ADH6: variants seen among roughly 807,000 people sequenced by gnomAD.
ADH6 encodes the protein alcohol dehydrogenase 6.
ADH6 carries 34 observed loss-of-function variants against 36.5 expected under a neutral mutation model. That is an observed-to-expected ratio of 0.93 (90% CI 0.71 to 1.24). The LOEUF is 1.24. Ranked by LOEUF, ADH6 falls within the 50% of genes most tolerant of loss-of-function variation. The pLI is 0.00. For synonymous variants in ADH6, 161 were observed against 155.5 expected (o/e 1.04, Z -0.26); for missense variants, 440 against 447.0 (o/e 0.98, Z 0.14).
chr4:99,207,442 A>G lies in ADH6; in HGVS notation c.964+4T>C. 1 of 1,613,072 alleles carries G rather than the reference A, an allele frequency of 6.2e-7. No individual in the cohort carries two copies. ...ATTTCCACCTTTCCCTGCTTCATCC[A>G]TACCTCCAAAAACAGAACCCTTCAA... On this transcript the variant is annotated splice_donor_region_variant and intron_variant, in intron 7 of 8. Transcript: ENST00000394899.
chr4:99,204,894 C>A, intron 8 of ADH6, 31 bp downstream of exon 8: 2 of 1,587,870 alleles, frequency 1.3e-6, no homozygotes, highest in Non-Finnish European at 8.6e-7. Flanking sequence ...GTCTCAAACA[C>A]ACAGACATAA....
rs769266677 is a variant in ADH6 at position 99,210,237 on chromosome 4, T to C, written c.412A>G (p.Ile138Val). The C allele has an allele frequency of 1.9e-6, 3 of 1,613,808 alleles. No individual in the cohort carries two copies. Among genetic ancestry groups the C allele is most frequent in the South Asian group, 1.1e-5 (1 of 91,082 alleles). Residue 138 changes from isoleucine (I) to valine (V), a missense_variant, in exon 5 of 9, where the codon ATA becomes GTA. Physicochemically the swap from Ile to Val is conservative, Grantham distance 29. Coordinates refer to ENST00000394899, the MANE Select transcript of ADH6 (RefSeq NM_001102470.2). ...GTGCTGGTATTACCAAAGTGATATA[T>C]TGATTTTCCCTTGCAGGTAAACCTG... ...TSRFTCKGKS[I>V]YHFGNTSTFC...
At chr4:99,214,975 G>T (rs983088308) in intron 2 of ADH6, among the ~76,000 whole-genome samples, 36 of 152,248 alleles carry the variant, frequency 2.4e-4, no homozygotes, top group Non-Finnish European at 1.0e-4. Flanking sequence ...TGCTGATCGT[G>T]GTTAAAAACA....
chr4:99,205,190 T>C (rs778206658), intron 7 of ADH6, 127 bp from the exon 8 acceptor site: 50 of 1,019,216 alleles, frequency 4.9e-5, no homozygotes, highest in African/African-American at 6.6e-5. Context: ...TTTACTTGCC[T>C]CAATCATCAG....
intron 5 of ADH6, among the ~76,000 whole-genome samples, chr4:99,209,726 C>A (rs1454705494): frequency 6.6e-6 from 1 of 152,016 alleles, no homozygotes; most frequent in East Asian, 1.9e-4. Flanking sequence ...ATTCTAGCAC[C>A]TGGGACAGTG....
At position 99,215,989 on chromosome 4, in the gene ADH6, C is replaced by G. The variant is rs79577755; in HGVS notation, c.120+172G>C. 5.1e-3 allele frequency: 2,157 copies of G among 419,844 alleles called. 33 individuals carry two copies. Among genetic ancestry groups the G allele is most frequent in the African/African-American group, 0.038 (1,865 of 48,670 alleles). The allele number at this position is 419,844 out of a possible 1,614,324, so 26.0% of individuals were successfully genotyped here. ...ATGCTTTACCTCCCTAACCTTTTAT[C>G]TGGCTGGATTTAAAAATTGATGGAA... is the stretch of plus-strand genomic sequence containing the variant. On this transcript the variant is annotated intron_variant, in intron 2 of 8. Coordinates refer to ENST00000394899, the MANE Select transcript of ADH6 (RefSeq NM_001102470.2).
At position 99,216,239 on chromosome 4, in the gene ADH6, T is replaced by C. The variant is rs1429226888; in HGVS notation, c.42A>G (p.Ile14Met). The C allele has an allele frequency of 6.3e-7, 1 of 1,578,376 alleles. No homozygotes were observed. The highest frequency in any genetic ancestry group is 1.2e-5 in the South Asian group (1 of 83,940). Residue 14 changes from isoleucine to methionine, a missense_variant, in exon 2 of 9, where the codon ATA becomes ATG. By Grantham distance (10) the Ile-to-Met change is conservative. Transcript: ENST00000394899. ...AAAATGGTGCACCAGGCTTCCAGAG[T>C]ATGGCTGCTTTGCATCTGATGACCT... The part of the protein sequence containing the change: ...TGQVIRCKAA[I>M]LWKPGAPFSI...
chr4:99,209,039 G>A, intron 5 of ADH6, 111 bp from the exon 6 acceptor site: 3 of 1,178,750 alleles, frequency 2.5e-6, no homozygotes, highest in Non-Finnish European at 3.5e-6. Context: ...CGAGTCATAA[G>A]CAAATGATGT....
chr4:99,210,374 T>C, intron 4 of ADH6, 41 bp downstream of exon 4: 1 of 1,593,684 alleles, frequency 6.3e-7, no homozygotes, highest in Non-Finnish European at 8.6e-7. Context: ...CCAATGAAAG[T>C]GAATTAAGTT....
At chr4:99,213,495 A>T in intron 3 of ADH6, 111 bp downstream of exon 3, 2 of 1,055,920 alleles carry the variant, frequency 1.9e-6, no homozygotes, top group Non-Finnish European at 2.6e-6. Context: ...GAAGTTGGAA[A>T]CATTTCACCT....
At chr4:99,204,806 T>C in intron 8 of ADH6, 119 bp downstream of exon 8, 1 of 1,364,542 alleles carries the variant, frequency 7.3e-7, no homozygotes, top group Non-Finnish European at 9.5e-7. Context: ...CCTGAAAGCC[T>C]CTTCAATTAT....
intron 8 of ADH6, chr4:99,204,518 T>C: frequency 7.8e-7 from 1 of 1,275,358 alleles, no homozygotes; most frequent in Non-Finnish European, 9.9e-7. Flanking sequence ...GGATTCAGAA[T>C]TAGGAATCCT....
chr4:99,210,732 GC>G (rs1210484310), intron 3 of ADH6, among the ~76,000 whole-genome samples: 1 of 152,114 alleles, frequency 6.6e-6, no homozygotes, highest in Non-Finnish European at 1.5e-5. Context: ...TGAGGAACTG[GC>G]CCCAGATTTG....
At chr4:99,211,796 C>T (rs938902045) in intron 3 of ADH6, among the ~76,000 whole-genome samples, 4 of 152,184 alleles carry the variant, frequency 2.6e-5, no homozygotes, top group Admixed American at 6.5e-5. Flanking sequence ...ATGGCTGCTT[C>T]GAGGCTGGAA....
intron 7 of ADH6, 40 bp downstream of exon 7, chr4:99,207,406 C>T: frequency 6.2e-7 from 1 of 1,610,158 alleles, no homozygotes; most frequent in Non-Finnish European, 8.5e-7. Context: ...CCCACCTTCA[C>T]CTCCTCAGGC....
At chr4:99,208,571 G>T in intron 6 of ADH6, 97 bp downstream of exon 6, 1 of 1,382,338 alleles carries the variant, frequency 7.2e-7, no homozygotes, top group Non-Finnish European at 9.9e-7. Context: ...AAATTAAATA[G>T]AGCAAAGTGG....
At chr4:99,207,359 G>T in intron 7 of ADH6, 87 bp downstream of exon 7, 11 of 1,530,042 alleles carry the variant, frequency 7.2e-6, no homozygotes, top group African/African-American at 1.4e-5. Context: ...GTTGTTTTAT[G>T]TCCTTTCTTA....
rs1730923694 is a variant in ADH6 at position 99,203,497 on chromosome 4, T to G, written c.*722A>C. The G allele has an allele frequency of 6.6e-6, 1 of 152,080 alleles. No homozygotes were observed. Among genetic ancestry groups the G allele is most frequent in the Admixed American group, 6.6e-5 (1 of 15,254 alleles). The allele number at this position is 152,080 out of a possible 1,614,324, so 9.4% of individuals were successfully genotyped here. A position where few individuals can be genotyped will look rare whatever the true frequency, so the allele number is the denominator to read the frequency against. Reference sequence around the variant, plus strand: ...AATTATTCCTGTTTTATGTGAAGATTGGAATAAAAAACAGTTTTGTTATTT... The same window carrying G: ...AATTATTCCTGTTTTATGTGAAGATGGGAATAAAAAACAGTTTTGTTATTT... On this transcript the variant is annotated 3_prime_UTR_variant, in exon 9 of 9. Coordinates refer to ENST00000394899, the MANE Select transcript of ADH6 (RefSeq NM_001102470.2).
Position 99,216,164 on chromosome 4 carries a change from T to C in ADH6, c.117A>G (p.Ile39Met). 1 of 1,464,222 alleles carries C rather than the reference T, an allele frequency of 6.8e-7. No individual in the cohort carries two copies. Among genetic ancestry groups the C allele is most frequent in the Non-Finnish European group, 9.2e-7 (1 of 1,090,614 alleles). 90.7% of individuals were successfully genotyped at this position (1,464,222 alleles called of 1,614,324 possible). A position where few individuals can be genotyped will look rare whatever the true frequency, so the allele number is the denominator to read the frequency against. ...TTTTTTTTTTTTTTTTTTTTACCTT[T>C]ATGCGAACTTCCTTTGCCTTTGGTG... The part of the protein sequence containing the change: ...VAPPKAKEVR[I>M]KVVATGLCGT... Residue 39 changes from isoleucine to methionine, a missense_variant, in exon 2 of 9, where the codon ATA (isoleucine) becomes ATG (methionine). Coordinates refer to ENST00000394899, the MANE Select transcript of ADH6 (RefSeq NM_001102470.2).
Sources: gnomAD v4.1 joint callset for allele counts (sites outside exome capture counted in the v4.1 genomes callset) on GRCh38, gnomAD v4.1.1 for gene constraint, MANE v1.5 for transcripts, NCBI Gene and HGNC (gene_info 2026-07-23, HGNC 2026-07-21) for gene names.